PDCL2: variants seen among roughly 807,000 people sequenced by gnomAD.
PDCL2 encodes phosducin-like protein 2.
A neutral mutation model predicts 30.3 loss-of-function variants in PDCL2; 23 were observed. The observed-to-expected ratio is 0.76, with a 90% CI of 0.55 to 1.08. The LOEUF is 1.08. PDCL2 is among the 50% of genes least tolerant of loss of function. The pLI is 0.00. For synonymous variants in PDCL2, 68 were observed against 86.2 expected, an observed-to-expected ratio of 0.79 and a Z score of 1.17; for missense variants, 243 against 282.3, an observed-to-expected ratio of 0.86 and a Z score of 1.00.
intron 3 of PDCL2, among the ~76,000 whole-genome samples, chr4:55,574,181 G>C (rs1732502774): frequency 6.6e-6 from 1 of 151,908 alleles, no homozygotes; most frequent in African/African-American, 2.4e-5. Context: ...GCCATAATTT[G>C]GTGGCAACTA....
chr4:55,556,896 C>T lies in PDCL2; in HGVS notation c.572-185G>A, dbSNP rs531728899. Among the ~76,000 whole-genome samples, 5 of 152,126 alleles carry T rather than the reference C, an allele frequency of 3.3e-5. No individual in the cohort carries two copies. In the East Asian group the frequency reaches 9.7e-4, roughly 29 times the overall value. On this transcript the variant is annotated intron_variant, in intron 5 of 5. Coordinates refer to ENST00000295645, the MANE Select transcript of PDCL2 (RefSeq NM_152401.3). ...TCACCCAGGCTAGAGTGCAGTGGCACAATCTTGGCTCACTGCAACCTCCAC... is the reference window on the plus strand; with the variant it reads ...TCACCCAGGCTAGAGTGCAGTGGCATAATCTTGGCTCACTGCAACCTCCAC...
intron 2 of PDCL2, among the ~76,000 whole-genome samples, chr4:55,581,361 AAAT>A (rs1161256135): frequency 1.3e-5 from 2 of 152,124 alleles, no homozygotes; most frequent in Non-Finnish European, 2.9e-5. Flanking sequence ...AAAAAGCTAT[AAAT>A]ATTATAGAAA....
chr4:55,589,035 T>A (rs1022895673), intron 1 of PDCL2, among the ~76,000 whole-genome samples: 1 of 151,914 alleles, frequency 6.6e-6, no homozygotes, highest in African/African-American at 2.4e-5. Context: ...TTTTTTGTAT[T>A]TTTTTAGTAG....
chr4:55,591,538 C>A (rs1473694206), intron 1 of PDCL2, among the ~76,000 whole-genome samples: 1 of 152,194 alleles, frequency 6.6e-6, no homozygotes, highest in Non-Finnish European at 1.5e-5. Context: ...AGGCGCACGC[C>A]ACCACGCCCA....
In PDCL2 at chr4:55,560,915, G is replaced by A. The variant is rs185325235; in HGVS notation, c.571+1489C>T. ...CTCAGAAAACACCAAATCTGCTGGC[G>A]CCTTGATCTGGGACTTCCCAGCCTC... On this transcript the variant is annotated intron_variant, in intron 5 of 5. Coordinates refer to ENST00000295645, the MANE Select transcript of PDCL2 (RefSeq NM_152401.3). Among the ~76,000 whole-genome samples the A allele has an allele frequency of 4.7e-4, 72 of 152,178 alleles. 2 individuals are homozygous for A. In the East Asian group the frequency reaches 9.5e-3, roughly 20 times the overall value.
At chr4:55,568,997 T>C in intron 4 of PDCL2, among the ~76,000 whole-genome samples, 1 of 152,320 alleles carries the variant, frequency 6.6e-6, no homozygotes, top group East Asian at 1.9e-4. Flanking sequence ...TCTGTTGTCT[T>C]ATCAATTCTC....
chr4:55,556,840 T>C (rs1315135019), intron 5 of PDCL2, 129 bp from the exon 6 acceptor site: 1 of 866,578 alleles, frequency 1.2e-6, no homozygotes, highest in African/African-American at 1.8e-5. Context: ...TATAGGTTTT[T>C]TTTTCTTTTT....
At chr4:55,558,328 T>C (rs1169052370) in intron 5 of PDCL2, among the ~76,000 whole-genome samples, 3 of 152,202 alleles carry the variant, frequency 2.0e-5, no homozygotes, top group Non-Finnish European at 4.4e-5. Flanking sequence ...ACCTCCATGC[T>C]GTTCTCTTGA....
intron 5 of PDCL2, among the ~76,000 whole-genome samples, chr4:55,559,115 A>G (rs148900403): frequency 6.4e-4 from 98 of 152,348 alleles, no homozygotes; most frequent in African/African-American, 2.3e-3. Context: ...AAAAACCAAT[A>G]GTCTAAAATT....
intron 1 of PDCL2, among the ~76,000 whole-genome samples, chr4:55,586,136 C>T (rs1216568845): frequency 1.3e-5 from 2 of 152,026 alleles, no homozygotes; most frequent in Non-Finnish European, 2.9e-5. Flanking sequence ...CTTCTGCTGC[C>T]TTCCATAGGT....
At position 55,582,108 on chromosome 4, in the gene PDCL2, C is replaced by T. The variant is rs202161493; in HGVS notation, c.127+9G>A. 479 of 1,611,924 alleles carry T rather than the reference C, an allele frequency of 3.0e-4. No homozygotes were observed. The highest frequency in any genetic ancestry group is 1.8e-3 in the Middle Eastern group (10 of 5,558). On this transcript the variant is annotated intron_variant, in intron 2 of 5. Transcript: ENST00000295645. ...CCCATCATCCAGCCCACCAAATCTA[C>T]GACCATACCCATTGCTTCTTTCTGT...
chr4:55,574,149 C>A (rs80257119), intron 3 of PDCL2, among the ~76,000 whole-genome samples: 1 of 152,098 alleles, frequency 6.6e-6, no homozygotes. Context: ...TTTAAACATT[C>A]AGGTACAGAA....
intron 4 of PDCL2, among the ~76,000 whole-genome samples, chr4:55,565,973 GTT>G (rs71194595): frequency 0.19 from 13,455 of 72,398 alleles, 163 homozygotes; most frequent in South Asian, 0.26. Flanking sequence ...CCATTTTTCT[GTT>G]TTTTTTTTTT....
intron 3 of PDCL2, 54 bp from the exon 4 acceptor site, chr4:55,569,915 C>A (rs1056342524): frequency 3.9e-6 from 5 of 1,275,218 alleles, no homozygotes; most frequent in Non-Finnish European, 5.3e-6. Context: ...TTCTTAAGGT[C>A]ATTCTCATAT....
chr4:55,574,297 T>G (rs199782472), intron 3 of PDCL2, among the ~76,000 whole-genome samples: 1 of 152,182 alleles, frequency 6.6e-6, no homozygotes, highest in African/African-American at 2.4e-5. Context: ...CATTGTAGCT[T>G]TCTCTTCTGG....
chr4:55,591,608 A>G (rs1353241628), intron 1 of PDCL2, among the ~76,000 whole-genome samples: 1 of 152,250 alleles, frequency 6.6e-6, no homozygotes, highest in Non-Finnish European at 1.5e-5. Flanking sequence ...GATGGTCTCA[A>G]TCTCTTGACC....
rs776103978 is a variant in PDCL2 at position 55,556,653 on chromosome 4, G to C, written c.630C>G (p.Pro210=). The C allele has an allele frequency of 6.4e-7, 1 of 1,570,330 alleles. No individual in the cohort carries two copies. Among genetic ancestry groups the C allele is most frequent in the Non-Finnish European group, 8.7e-7 (1 of 1,155,790 alleles). Residue 210 remains proline, a synonymous_variant, in exon 6 of 6, where the codon CCC becomes CCG. Coordinates refer to ENST00000295645, the MANE Select transcript of PDCL2 (RefSeq NM_152401.3). ...CCATCATATCTACCATGTCTTTTCT[G>C]GGGTTTTCTTCCAAATCAGTCTGTA... The part of the protein sequence containing the change: ...GAIQTDLEEN[P]RKDMVDMMVS...
chr4:55,570,793 TCTGA>T (rs777380316), intron 3 of PDCL2, among the ~76,000 whole-genome samples: 2 of 152,220 alleles, frequency 1.3e-5, no homozygotes, highest in Non-Finnish European at 2.9e-5. Flanking sequence ...CTAAATGGTT[TCTGA>T]CTGTCTGCAA....
intron 1 of PDCL2, among the ~76,000 whole-genome samples, chr4:55,591,291 CA>C (rs1308722520): frequency 0.033 from 4,521 of 138,398 alleles, 177 homozygotes; most frequent in African/African-American, 0.1. Context: ...TTTACTGTAC[CA>C]AAAAAAAAAA....
Sources: gnomAD v4.1 joint callset for allele counts (sites outside exome capture counted in the v4.1 genomes callset) on GRCh38, gnomAD v4.1.1 for gene constraint, MANE v1.5 for transcripts, NCBI Gene and HGNC (gene_info 2026-07-23, HGNC 2026-07-21) for gene names.